The following OPCML variants were observed in gnomAD, a reference collection of about 807,000 sequenced individuals.
OPCML encodes opioid-binding protein/cell adhesion molecule.
Under a neutral mutation model 37.8 loss-of-function variants are expected in OPCML, and 13 were observed. The ratio of observed to expected loss-of-function variants is 0.34; its 90% CI spans 0.22 to 0.55. The LOEUF (loss-of-function observed/expected upper bound fraction) is 0.55. Ranked by LOEUF, OPCML falls within the 20% of genes least tolerant of loss-of-function variation. The pLI is 0.91. For synonymous variants in OPCML, 176 were observed against 168.8 expected, an observed-to-expected ratio of 1.04 and a Z score of -0.33; for missense variants, 341 against 435.6, an observed-to-expected ratio of 0.78 and a Z score of 1.93.
chr11:132,605,430 G>T (rs1045106355), intron 3 of OPCML, among the ~76,000 whole-genome samples: 4 of 151,884 alleles, frequency 2.6e-5, no homozygotes, highest in African/African-American at 4.8e-5. Flanking sequence ...TGAGTGTGAT[G>T]GCACGCACCT....
intron 3 of OPCML, among the ~76,000 whole-genome samples, chr11:132,557,901 T>C (rs2096399548): frequency 1.3e-5 from 2 of 152,196 alleles, no homozygotes; most frequent in South Asian, 4.1e-4. Flanking sequence ...TAATGTGCTT[T>C]AATTTATTTT....
chr11:132,902,156 T>TA (rs1565949855), intron 2 of OPCML, among the ~76,000 whole-genome samples: 1 of 152,114 alleles, frequency 6.6e-6, no homozygotes, highest in African/African-American at 2.4e-5. Flanking sequence ...TCCAGGAATT[T>TA]ATGGATTATA....
At chr11:132,751,642 A>G (rs1945838339) in intron 2 of OPCML, among the ~76,000 whole-genome samples, 1 of 152,168 alleles carries the variant, frequency 6.6e-6, no homozygotes, top group Non-Finnish European at 1.5e-5. Context: ...CCATTTTCCA[A>G]ATGAGGAAAC....
intron 1 of OPCML, among the ~76,000 whole-genome samples, chr11:133,030,345 C>A (rs534552761): frequency 1.3e-5 from 2 of 152,176 alleles, no homozygotes; most frequent in African/African-American, 2.4e-5. Context: ...TGCTCACAAA[C>A]CCCCAAGTAC....
At chr11:132,967,100 G>T (rs760603915) in intron 1 of OPCML, among the ~76,000 whole-genome samples, 1 of 151,608 alleles carries the variant, frequency 6.6e-6, no homozygotes, top group Admixed American at 6.6e-5. Context: ...TCTGTTTGTC[G>T]TTTGCTGCTT....
intron 2 of OPCML, among the ~76,000 whole-genome samples, chr11:132,870,543 T>C (rs1457890056): frequency 6.6e-6 from 1 of 152,130 alleles, no homozygotes; most frequent in Non-Finnish European, 1.5e-5. Flanking sequence ...AGCAATCCCA[T>C]TTCTGGGTAT....
chr11:133,026,293 T>C (rs1947553540), intron 1 of OPCML: 1 of 836,994 alleles, frequency 1.2e-6, no homozygotes, highest in African/African-American at 1.8e-5. Context: ...AAAATGGATT[T>C]GGGGTTTGGG....
At chr11:133,331,125 T>C (rs1326747670) in intron 1 of OPCML, among the ~76,000 whole-genome samples, 1 of 152,188 alleles carries the variant, frequency 6.6e-6, no homozygotes, top group Non-Finnish European at 1.5e-5. Flanking sequence ...TTTGTGTTGC[T>C]CTATTATTAT....
At chr11:133,044,302 T>A (rs1345877089) in intron 1 of OPCML, among the ~76,000 whole-genome samples, 1 of 152,138 alleles carries the variant, frequency 6.6e-6, no homozygotes, top group Non-Finnish European at 1.5e-5. Flanking sequence ...AGGCAAAGGA[T>A]TTCTGTAGGA....
At chr11:133,046,135 C>T (rs1314462411) in intron 1 of OPCML, among the ~76,000 whole-genome samples, 3 of 152,170 alleles carry the variant, frequency 2.0e-5, no homozygotes, top group African/African-American at 7.2e-5. Context: ...AACCTGTACA[C>T]CCTTTAGTTC....
chr11:132,866,907 C>A (rs1370267990), intron 2 of OPCML, among the ~76,000 whole-genome samples: 1 of 152,172 alleles, frequency 6.6e-6, no homozygotes, highest in Non-Finnish European at 1.5e-5. Flanking sequence ...AATGTTATTG[C>A]TCATTTGTAT....
intron 1 of OPCML, among the ~76,000 whole-genome samples, chr11:133,264,133 A>G (rs1941577880): frequency 6.6e-6 from 1 of 152,224 alleles, no homozygotes; most frequent in Non-Finnish European, 1.5e-5. Flanking sequence ...AGTTGCTGAG[A>G]GTGGCAGGTG....
At chr11:133,230,151 G>A (rs982534299) in intron 1 of OPCML, among the ~76,000 whole-genome samples, 6 of 152,224 alleles carry the variant, frequency 3.9e-5, no homozygotes, top group African/African-American at 1.4e-4. Context: ...GACACAGTTA[G>A]CTGCTTGGTG....
At chr11:132,958,271 G>A (rs1325329532) in intron 1 of OPCML, among the ~76,000 whole-genome samples, 5 of 152,218 alleles carry the variant, frequency 3.3e-5, no homozygotes, top group Non-Finnish European at 7.3e-5. Flanking sequence ...TCCAGAGCGA[G>A]GTTGTAACTC....
At chr11:132,889,059 A>C (rs1337005913) in intron 2 of OPCML, among the ~76,000 whole-genome samples, 2 of 152,178 alleles carry the variant, frequency 1.3e-5, no homozygotes, top group African/African-American at 2.4e-5. Context: ...CAGTGAGAGA[A>C]TGACACTGTA....
At chr11:132,884,847 C>G (rs1943349333) in intron 2 of OPCML, among the ~76,000 whole-genome samples, 1 of 152,164 alleles carries the variant, frequency 6.6e-6, no homozygotes, top group Admixed American at 6.5e-5. Context: ...AAAGTGATTG[C>G]TCAGATTTGT....
intron 2 of OPCML, among the ~76,000 whole-genome samples, chr11:132,928,310 C>G (rs1945069650): frequency 6.6e-6 from 1 of 151,764 alleles, no homozygotes; most frequent in Non-Finnish European, 1.5e-5. Flanking sequence ...AAATAGTAAA[C>G]AAAAGAGACC....
In OPCML at chr11:132,895,874, T is replaced by C. The variant is rs1432917967; in HGVS notation, c.146+47052A>G. On this transcript the variant is annotated intron_variant, in intron 2 of 7. Coordinates refer to ENST00000524381, the MANE Select transcript of OPCML (RefSeq NM_001012393.5). ...TCCCAGCAGGCCCCTAGAGGTGAGG[T>C]TCAAAGTGTGATTCAGGAGGAGGTG... Among the ~76,000 whole-genome samples the C allele has an allele frequency of 2.0e-5, 3 of 151,804 alleles. No homozygotes were observed. In the East Asian group the frequency reaches 5.8e-4, roughly 29 times the overall value.
chr11:132,426,448 T>A (rs2095977884), intron 7 of OPCML, among the ~76,000 whole-genome samples: 1 of 151,278 alleles, frequency 6.6e-6, no homozygotes, highest in African/African-American at 2.4e-5. Flanking sequence ...TTGCCATTAC[T>A]TTTTTTTTAG....
Sources: gnomAD v4.1 joint callset for allele counts (sites outside exome capture counted in the v4.1 genomes callset) on GRCh38, gnomAD v4.1.1 for gene constraint, MANE v1.5 for transcripts, NCBI Gene and HGNC (gene_info 2026-07-23, HGNC 2026-07-21) for gene names.